The following FLT1 variants were observed in gnomAD, a reference collection of about 807,000 sequenced individuals.
FLT1 encodes the protein fms related receptor tyrosine kinase 1.
A neutral mutation model predicts 156.3 loss-of-function variants in FLT1; 49 were observed. The observed-to-expected ratio is 0.31, with a 90% CI of 0.25 to 0.40. FLT1 has a LOEUF of 0.40. FLT1 is among the 10% of genes least tolerant of loss of function. The probability of loss-of-function intolerance (pLI) is 1.00; values close to 1 mark genes in which losing one functional copy is unlikely to be tolerated. For synonymous variants in FLT1, 594 were observed against 583.8 expected, an observed-to-expected ratio of 1.02 and a Z score of -0.25; for missense variants, 1,322 against 1,637.2, an observed-to-expected ratio of 0.81 and a Z score of 3.32.
chr13:28,446,874 C>T (rs7999615), intron 3 of FLT1, among the ~76,000 whole-genome samples: 12,864 of 152,010 alleles, frequency 0.085, 709 homozygotes, highest in African/African-American at 0.14. Context: ...CTTGGAAGAC[C>T]GCACTCCACA....
At chr13:28,458,676 T>C (rs1879401965) in intron 3 of FLT1, among the ~76,000 whole-genome samples, 1 of 152,226 alleles carries the variant, frequency 6.6e-6, no homozygotes, top group Non-Finnish European at 1.5e-5. Context: ...CCCTTAGTGT[T>C]TAATGACAGA....
intron 1 of FLT1, among the ~76,000 whole-genome samples, chr13:28,478,302 T>G (rs551103886): frequency 9.5e-4 from 145 of 152,346 alleles, no homozygotes; most frequent in African/African-American, 3.4e-3. Context: ...AGTTTTCTGT[T>G]TTACATAGCA....
intron 3 of FLT1, among the ~76,000 whole-genome samples, chr13:28,455,273 A>G (rs1469463158): frequency 1.3e-5 from 2 of 152,236 alleles, no homozygotes; most frequent in Non-Finnish European, 2.9e-5. Context: ...AGTAATCAAG[A>G]CAGTGTGATA....
Position 28,322,806 on chromosome 13 carries a change from A to T in FLT1, c.2937T>A (p.Asp979Glu), listed in dbSNP as rs200622656. Residue 979 changes from aspartate to glutamate, a missense_variant, in exon 21 of 30, where the codon GAT becomes GAA. Physicochemically the swap from Asp to Glu is conservative, Grantham distance 45. Transcript: ENST00000282397. This position sits in a 1 kb window ranked among gnomAD's most constrained non-coding sequence, Gnocchi z 4.3. ...AATACCTACCCTCCTCTTCCTCAAC[A>T]TCACTCAGACTTTTATCTTCCTGAA... is the stretch of plus-strand genomic sequence containing the variant. ...SGFQEDKSLS[D>E]VEEEEDSDGF... 140 of 1,613,936 alleles carry T rather than the reference A, an allele frequency of 8.7e-5. 1 individual carries two copies. The highest frequency in any genetic ancestry group is 3.4e-6 in the Non-Finnish European group (4 of 1,180,026).
At chr13:28,429,865 C>T (rs1380563721) in intron 8 of FLT1, among the ~76,000 whole-genome samples, 185 bp downstream of exon 8, 1 of 152,178 alleles carries the variant, frequency 6.6e-6, no homozygotes, top group East Asian at 1.9e-4. Flanking sequence ...TACCTTGCTA[C>T]ATTATTTCCT....
rs1286345875 is a variant in FLT1, at chr13:28,384,965, G to C, written c.2036C>G (p.Thr679Ser). 1.2e-6 allele frequency: 2 copies of C among 1,613,948 alleles called. No individual in the cohort carries two copies. Residue 679 changes from threonine to serine, a missense_variant, in exon 14 of 30, where the codon ACT becomes AGT. Coordinates refer to ENST00000282397, the MANE Select transcript of FLT1 (RefSeq NM_002019.4). ...GACACCATTAGCATGACAGTCTAAA[G>C]TGGTGGAACTGCTGATGGCCACTGT... is the stretch of plus-strand genomic sequence containing the variant. ...DHTVAISSST[T>S]LDCHANGVPE...
At chr13:28,379,879 A>T (rs751254862) in intron 14 of FLT1, among the ~76,000 whole-genome samples, 99 of 152,260 alleles carry the variant, frequency 6.5e-4, no homozygotes, top group Non-Finnish European at 1.2e-3. Flanking sequence ...CAACTACCCC[A>T]AGTAGGCATT....
chr13:28,357,945 C>G (rs1320473172), intron 14 of FLT1, among the ~76,000 whole-genome samples: 1 of 137,876 alleles, frequency 7.3e-6, no homozygotes, highest in Admixed American at 8.1e-5. Context: ...TCCCCAGCTT[C>G]GGAGATGCAA....
chr13:28,372,076 A>ATATATATTTTTTTTTT (rs1257431752), intron 14 of FLT1, among the ~76,000 whole-genome samples: 1 of 11,766 alleles, frequency 8.5e-5, no homozygotes, highest in Non-Finnish European at 1.6e-4. Context: ...ATATATATAT[A>ATATATATTTTTTTTTT]TTTTTTTTTT....
At chr13:28,385,401 G>A in intron 13 of FLT1, 2 of 631,852 alleles carry the variant, frequency 3.2e-6, no homozygotes, top group Non-Finnish European at 4.2e-6. Flanking sequence ...GTATAGTCTT[G>A]TAATGATTTT....
At chr13:28,371,642 CAACTT>C (rs1411592011) in intron 14 of FLT1, among the ~76,000 whole-genome samples, 1 of 152,042 alleles carries the variant, frequency 6.6e-6, no homozygotes, top group Admixed American at 6.6e-5. Context: ...TGAAAGTTCT[CAACTT>C]AATAAGAAAA....
At chr13:28,482,387 G>T (rs1244050121) in intron 1 of FLT1, among the ~76,000 whole-genome samples, 2 of 151,146 alleles carry the variant, frequency 1.3e-5, no homozygotes, top group Non-Finnish European at 2.9e-5. Context: ...GCAGTGAGCC[G>T]AGATCACTCC....
At chr13:28,472,790 G>A (rs56144214) in intron 1 of FLT1, among the ~76,000 whole-genome samples, 1 of 152,208 alleles carries the variant, frequency 6.6e-6, no homozygotes, top group South Asian at 2.1e-4. Flanking sequence ...CAACACAGGA[G>A]ATTAGGGTTC....
At chr13:28,481,767 G>C (rs1458196973) in intron 1 of FLT1, among the ~76,000 whole-genome samples, 1 of 152,208 alleles carries the variant, frequency 6.6e-6, no homozygotes, top group Non-Finnish European at 1.5e-5. Context: ...TCAACAAATA[G>C]AGATCTCCTG....
At chr13:28,427,382 A>G in intron 9 of FLT1, 64 bp from the exon 10 acceptor site, 1 of 1,464,654 alleles carries the variant, frequency 6.8e-7, no homozygotes, top group Non-Finnish European at 9.6e-7. Context: ...CTCCTGGGCC[A>G]CACATGAAGG....
rs1566279635 is a variant in FLT1 at position 28,311,723 on chromosome 13, C to A, written c.3502G>T (p.Asp1168Tyr). Residue 1168 changes from aspartate to tyrosine, a missense_variant, in exon 27 of 30, where the codon GAC (aspartate) becomes TAC (tyrosine). This residue lies in a region of FLT1 where 329 missense variants were observed against 366.2 expected (regional missense o/e 0.90). Coordinates refer to ENST00000282397, the MANE Select transcript of FLT1 (RefSeq NM_002019.4). The part of the protein sequence containing the change: ...LQANVQQDGK[D>Y]YIPINAILTG... ...AGTATGGCATTGATTGGGATGTAGT[C>A]TTTACCATCCTAAAATACCAAAGGT... 1 of 1,614,020 alleles carries A rather than the reference C, an allele frequency of 6.2e-7. No individual in the cohort carries two copies. Among genetic ancestry groups the A allele is most frequent in the Admixed American group, 1.7e-5 (1 of 60,022 alleles).
chr13:28,333,356 G>A (rs1407913806), intron 18 of FLT1, among the ~76,000 whole-genome samples: 1 of 152,104 alleles, frequency 6.6e-6, no homozygotes, highest in Non-Finnish European at 1.5e-5. Context: ...ACACTGTAAA[G>A]GACCTGTGAG....
chr13:28,306,352 C>A (rs1289753677), intron 29 of FLT1, among the ~76,000 whole-genome samples: 2 of 152,078 alleles, frequency 1.3e-5, no homozygotes, highest in Admixed American at 1.3e-4. Flanking sequence ...GCATCCTCTC[C>A]CACCGCCGGG....
Position 28,343,969 on chromosome 13 carries a change from C to G in FLT1, c.2355+1476G>C, listed in dbSNP as rs181601163. ...CACCATAATTTCTTACCTGGACTAC[C>G]AAGAAGTCTTCTACCAGGTGCCTCT... On this transcript the variant is annotated intron_variant, in intron 16 of 29. Transcript: ENST00000282397. Among the ~76,000 whole-genome samples, 255 of 151,680 alleles carry G rather than the reference C, an allele frequency of 1.7e-3. 1 individual carries two copies. Among genetic ancestry groups the G allele is most frequent in the African/African-American group, 5.6e-3 (231 of 41,516 alleles).
Sources: gnomAD v4.1 joint callset for allele counts (sites outside exome capture counted in the v4.1 genomes callset) on GRCh38, gnomAD v4.1.1 for gene constraint, gnomAD v4.1.1 regional missense constraint, Gnocchi (gnomAD v3.1) non-coding constraint, MANE v1.5 for transcripts, NCBI Gene and HGNC (gene_info 2026-07-23, HGNC 2026-07-21) for gene names.